The following NRXN1 variants were observed in gnomAD, a reference collection of about 807,000 sequenced individuals.
NRXN1 encodes neurexin 1.
NRXN1 carries 39 observed loss-of-function variants against 150.9 expected under a neutral mutation model. The ratio of observed to expected loss-of-function variants is 0.26; its 90% confidence interval spans 0.20 to 0.34. The LOEUF (loss-of-function observed/expected upper bound fraction) is 0.34, where lower values mean the gene tolerates loss of function less well. Ranked by LOEUF, NRXN1 falls within the 10% of genes least tolerant of loss-of-function variation. The pLI is 1.00. For missense variants in NRXN1, 1,815 were observed against 1,949.9 expected (o/e 0.93, Z 1.30); for synonymous variants, 924 against 757.0 (o/e 1.22, Z -3.62).
At chr2:50,376,617 A>G (rs555685605) in intron 17 of NRXN1, among the ~76,000 whole-genome samples, 1 of 152,296 alleles carries the variant, frequency 6.6e-6, no homozygotes, top group East Asian at 1.9e-4. Flanking sequence ...TCAATTAATT[A>G]AGAATGATTA....
intron 22 of NRXN1, among the ~76,000 whole-genome samples, chr2:49,940,906 T>C (rs1671864881): frequency 6.6e-6 from 1 of 152,156 alleles, no homozygotes; most frequent in Non-Finnish European, 1.5e-5. Flanking sequence ...GTTCTTGTTT[T>C]AACAGGAATT....
chr2:50,346,590 G>T lies in NRXN1; in HGVS notation c.3365-109620C>A. On this transcript the variant is annotated intron_variant, in intron 17 of 22. Coordinates refer to ENST00000401669, the MANE Select transcript of NRXN1 (RefSeq NM_001330078.2). The surrounding 1 kb of genome is among the most constrained non-coding windows in gnomAD (Gnocchi z 5.0). The stretch of plus-strand genomic sequence containing the variant: ...CACCCAAATGCACCTCCCTTTTGTC[G>T]AGCTCCCATTTCTCTGAGCCTTAGG... 7.9e-7 allele frequency: 1 copy of T among 1,272,240 alleles called. No individual in the cohort carries two copies. The highest frequency in any genetic ancestry group is 1.1e-6 in the Non-Finnish European group (1 of 884,770). The allele number at this position is 1,272,240 out of a possible 1,614,324, so 78.8% of individuals were successfully genotyped here. A position where few individuals can be genotyped will look rare whatever the true frequency, so the allele number is the denominator to read the frequency against.
intron 22 of NRXN1, among the ~76,000 whole-genome samples, chr2:49,942,192 T>C (rs1672097884): frequency 6.6e-6 from 1 of 152,012 alleles, no homozygotes. Flanking sequence ...ATGATAGATG[T>C]TTCTGGGAGC....
chr2:50,801,859 T>C (rs910507688), intron 5 of NRXN1, among the ~76,000 whole-genome samples: 62 of 152,282 alleles, frequency 4.1e-4, no homozygotes, highest in African/African-American at 1.3e-3. Flanking sequence ...CTATCAAGTT[T>C]CCTTAAATCG....
intron 12 of NRXN1, among the ~76,000 whole-genome samples, chr2:50,520,262 T>G (rs1335649970): frequency 2.6e-5 from 4 of 151,964 alleles, no homozygotes. Flanking sequence ...TTCATTCTAT[T>G]TTGAGAGTCA....
chr2:50,051,848 ATATT>A (rs1321206320), intron 21 of NRXN1, among the ~76,000 whole-genome samples: 2 of 152,246 alleles, frequency 1.3e-5, no homozygotes, highest in Admixed American at 1.3e-4. Flanking sequence ...CAATAAATAT[ATATT>A]TGTGAACACC....
At chr2:49,930,948 A>G (rs1558525728) in intron 22 of NRXN1, among the ~76,000 whole-genome samples, 1 of 152,188 alleles carries the variant, frequency 6.6e-6, no homozygotes, top group Non-Finnish European at 1.5e-5. Flanking sequence ...TGGGAAAAAG[A>G]ACAAGATACT....
intron 5 of NRXN1, chr2:50,758,142 A>ATTGTT (rs1701376078): frequency 6.6e-6 from 1 of 151,878 alleles, no homozygotes; most frequent in African/African-American, 2.4e-5. Context: ...TTTCTCTAAA[A>ATTGTT]TTAAAACAAG....
intron 2 of NRXN1, among the ~76,000 whole-genome samples, chr2:51,001,363 T>A (rs562269430): frequency 6.6e-6 from 1 of 152,002 alleles, no homozygotes; most frequent in East Asian, 2.0e-4. Context: ...GAACATCAGT[T>A]TGTTGGTGCC....
intron 12 of NRXN1, 101 bp from the exon 13 acceptor site, chr2:50,506,718 A>G: frequency 9.0e-7 from 1 of 1,110,922 alleles, no homozygotes; most frequent in South Asian, 1.7e-5. Flanking sequence ...AAGGTGAGGG[A>G]GAGAGAGGAG....
chr2:50,333,234 G>T (rs557135565), intron 17 of NRXN1, among the ~76,000 whole-genome samples: 10 of 152,152 alleles, frequency 6.6e-5, no homozygotes, highest in African/African-American at 1.7e-4. Flanking sequence ...AGCTTATGGG[G>T]TTATAGTCCC....
chr2:50,186,920 GTTTAT>G (rs904160797), intron 18 of NRXN1, among the ~76,000 whole-genome samples: 3 of 151,832 alleles, frequency 2.0e-5, no homozygotes, highest in Admixed American at 1.3e-4. Flanking sequence ...TTCCACAATT[GTTTAT>G]TTTGTCTATC....
chr2:50,684,757 T>G (rs893770808), intron 5 of NRXN1, among the ~76,000 whole-genome samples: 5 of 152,150 alleles, frequency 3.3e-5, no homozygotes, highest in Admixed American at 6.6e-5. Flanking sequence ...CCAGTTTAGA[T>G]TGTTAAGGTA....
At position 50,047,451 on chromosome 2, in the gene NRXN1, A is replaced by T. The variant is rs113619881; in HGVS notation, c.4128+5820T>A. 5.1e-3 allele frequency among the ~76,000 whole-genome samples: 784 copies of T among 152,238 alleles called. 8 individuals carry two copies. The highest frequency in any genetic ancestry group is 0.018 in the African/African-American group (739 of 41,556). On this transcript the variant is annotated intron_variant, in intron 21 of 22. Coordinates refer to ENST00000401669, the MANE Select transcript of NRXN1 (RefSeq NM_001330078.2). ...CAGAGGCCAGGTCCTTCTAGAGGTTAGGAGCAGGTAAAGTATATCTTGGTG... is the reference window on the plus strand; with the variant it reads ...CAGAGGCCAGGTCCTTCTAGAGGTTTGGAGCAGGTAAAGTATATCTTGGTG...
chr2:50,718,279 A>C (rs1421325373), intron 5 of NRXN1, among the ~76,000 whole-genome samples: 2 of 152,178 alleles, frequency 1.3e-5, no homozygotes, highest in Non-Finnish European at 2.9e-5. Flanking sequence ...GCATAAGTGC[A>C]TGAGTATGGG....
At chr2:50,979,826 A>G (rs1276960447) in intron 2 of NRXN1, among the ~76,000 whole-genome samples, 1 of 152,124 alleles carries the variant, frequency 6.6e-6, no homozygotes, top group Non-Finnish European at 1.5e-5. Context: ...TTCACTGTCA[A>G]CCTTTAATAT....
intron 13 of NRXN1, among the ~76,000 whole-genome samples, chr2:50,499,756 T>C (rs999562403): frequency 3.3e-5 from 5 of 152,006 alleles, no homozygotes; most frequent in African/African-American, 1.2e-4. Context: ...GAGACCAGCC[T>C]GGCCAACATG....
rs66612444 is a variant in NRXN1, at chr2:49,920,697, CGTGTGTGT to C, written c.*1239_*1246del. ...CATATCTGATGGATTGCTGTGGATT[CGTGTGTGT>C]GTGTGTGTGTGTGTGTGTGTGTGTG... is the stretch of plus-strand genomic sequence containing the variant. On this transcript the variant is annotated 3_prime_UTR_variant, in exon 23 of 23. Transcript: ENST00000401669. The C allele has an allele frequency of 0.066, 9,392 of 142,840 alleles. 348 individuals are homozygous for C. The highest frequency in any genetic ancestry group is 0.076 in the Non-Finnish European group (5,032 of 65,796). 8.8% of individuals were successfully genotyped at this position (142,840 alleles called of 1,614,324 possible).
chr2:50,361,289 C>T (rs1015997956), intron 17 of NRXN1, among the ~76,000 whole-genome samples: 3 of 151,910 alleles, frequency 2.0e-5, no homozygotes, highest in Admixed American at 6.5e-5. Context: ...GAGATAGAGA[C>T]ACAAAAAAAC....
Sources: allele counts gnomAD v4.1 joint callset (sites outside exome capture counted in the v4.1 genomes callset), GRCh38; gene constraint gnomAD v4.1.1; non-coding constraint Gnocchi (gnomAD v3.1); transcripts MANE v1.5; gene names NCBI Gene and HGNC (gene_info 2026-07-23, HGNC 2026-07-21).